AVPR1B: variants seen among roughly 807,000 people sequenced by gnomAD.
AVPR1B encodes vasopressin V1b receptor.
AVPR1B carries 25 observed loss-of-function variants against 27.5 expected under a neutral mutation model. The ratio of observed to expected loss-of-function variants is 0.91; its 90% CI spans 0.66 to 1.27. AVPR1B has a LOEUF of 1.27. AVPR1B is among the 50% of genes most tolerant of loss of function. The probability of loss-of-function intolerance (pLI) is 0.00; values close to 1 mark genes in which losing one functional copy is unlikely to be tolerated. For synonymous variants in AVPR1B, 248 were observed against 240.2 expected (o/e 1.03, Z -0.30); for missense variants, 595 against 556.9 (o/e 1.07, Z -0.69).
chr1:206,116,471 C>T lies in AVPR1B; in HGVS notation c.420G>A (p.Leu140=), dbSNP rs1249358469. 3 of 1,613,796 alleles carry T rather than the reference C, an allele frequency of 1.9e-6. No individual in the cohort carries two copies. The highest frequency in any genetic ancestry group is 1.7e-6 in the Non-Finnish European group (2 of 1,180,018). Residue 140 remains leucine, a synonymous_variant, in exon 1 of 2, where the codon CTG becomes CTA. Coordinates refer to ENST00000367126, the MANE Select transcript of AVPR1B (RefSeq NM_000707.5). The stretch of plus-strand genomic sequence containing the variant: ...ACTGGCCTGGCTGCTGGAGGCTGCG[C>T]AGGGGGTGACAGACAGCCAGGTAGC... ...LDRYLAVCHP[L]RSLQQPGQST...
At position 206,110,339 on chromosome 1, in the gene AVPR1B, G is replaced by A; in HGVS notation, c.1125C>T (p.Arg375=). Residue 375 remains arginine (R), a synonymous_variant, in exon 2 of 2, where the codon CGC becomes CGT. Coordinates refer to ENST00000367126, the MANE Select transcript of AVPR1B (RefSeq NM_000707.5). The part of the protein sequence containing the change: ...RRLSDGSLSS[R]HTTLLTRSSC... ...TGGAGCGGGTCAGCAGCGTGGTGTG[G>A]CGGCTCGAGAGGCTGCCGTCGGAGA... 2 of 1,611,284 alleles carry A rather than the reference G, an allele frequency of 1.2e-6. No individual in the cohort carries two copies. Among genetic ancestry groups the A allele is most frequent in the Non-Finnish European group, 1.7e-6 (2 of 1,179,262 alleles).
In AVPR1B at chr1:206,107,458, G is replaced by A. The variant is rs187819797; in HGVS notation, c.*2731C>T. Among the ~76,000 whole-genome samples the A allele has an allele frequency of 6.6e-6, 1 of 152,056 alleles. No homozygotes were observed. Among genetic ancestry groups the A allele is most frequent in the African/African-American group, 2.4e-5 (1 of 41,392 alleles). On this transcript the variant is annotated 3_prime_UTR_variant, in exon 2 of 2. Transcript: ENST00000367126. ...CTGCAGAACTTTCACTCATAGATCC[G>A]ATGAGATCCACCATTTCCTTCAGGA...
chr1:206,114,578 G>C (rs548009849), intron 1 of AVPR1B, among the ~76,000 whole-genome samples: 106 of 152,290 alleles, frequency 7.0e-4, no homozygotes, highest in Non-Finnish European at 1.3e-3. Flanking sequence ...GGAGGACACT[G>C]TCTACTACAC....
intron 1 of AVPR1B, among the ~76,000 whole-genome samples, chr1:206,114,471 G>A (rs1663431484): frequency 6.6e-6 from 1 of 152,090 alleles, no homozygotes; most frequent in South Asian, 2.1e-4. Flanking sequence ...TCTGAATACT[G>A]CTCTCCAACA....
chr1:206,113,364 C>T (rs1663410911), intron 1 of AVPR1B, among the ~76,000 whole-genome samples: 1 of 152,178 alleles, frequency 6.6e-6, no homozygotes, highest in East Asian at 1.9e-4. Flanking sequence ...AGGGGGCAAA[C>T]AGGCCGGCAT....
chr1:206,110,551 C>T, intron 1 of AVPR1B, 28 bp from the exon 2 acceptor site: 1 of 1,568,544 alleles, frequency 6.4e-7, no homozygotes, highest in Admixed American at 1.8e-5. Flanking sequence ...TGAGAAGCCT[C>T]AGAATGGCAG....
In AVPR1B at chr1:206,108,122, C is replaced by CA. The variant is rs1663308799; in HGVS notation, c.*2066dup. On this transcript the variant is annotated 3_prime_UTR_variant, in exon 2 of 2. Coordinates refer to ENST00000367126, the MANE Select transcript of AVPR1B (RefSeq NM_000707.5). ...CAGAAACTGTGGTCTAAAGATGGGG[C>CA]AAGGGGGTGGGGAGGCCGCTTTTGT... Among the ~76,000 whole-genome samples, 3 of 151,426 alleles carry CA rather than the reference C, an allele frequency of 2.0e-5. No individual in the cohort carries two copies. Among genetic ancestry groups the CA allele is most frequent in the Admixed American group, 6.6e-5 (1 of 15,214 alleles).
chr1:206,115,328 GTTACT>G (rs1553290332), intron 1 of AVPR1B, among the ~76,000 whole-genome samples: 3 of 152,162 alleles, frequency 2.0e-5, no homozygotes, highest in Non-Finnish European at 1.5e-5. Flanking sequence ...CTCCGAGAGT[GTTACT>G]GTGCTTAATA....
At position 206,110,368 on chromosome 1, in the gene AVPR1B, G is replaced by A. The variant is rs370023455; in HGVS notation, c.1096C>T (p.Arg366Trp). Residue 366 changes from arginine (R) to tryptophan (W), a missense_variant, in exon 2 of 2, where the codon CGG (arginine) becomes TGG (tryptophan). Coordinates refer to ENST00000367126, the MANE Select transcript of AVPR1B (RefSeq NM_000707.5). ...CTCGAGAGGCTGCCGTCGGAGAGCC[G>A]CCGGCGCATCCTGGGCTGGGGACCC... Reference protein sequence around the residue: ...CGGPQPRMRRRLSDGSLSSRH... With the variant: ...CGGPQPRMRRWLSDGSLSSRH... 4.9e-5 allele frequency: 79 copies of A among 1,609,744 alleles called. No individual in the cohort carries two copies. Among genetic ancestry groups the A allele is most frequent in the Middle Eastern group, 1.6e-4 (1 of 6,064 alleles).
At position 206,109,975 on chromosome 1, in the gene AVPR1B, C is replaced by T. The variant is rs531878105; in HGVS notation, c.*214G>A. 3.5e-6 allele frequency: 2 copies of T among 579,036 alleles called. No homozygotes were observed. Among genetic ancestry groups the T allele is most frequent in the Non-Finnish European group, 6.1e-6 (2 of 328,290 alleles). 35.9% of individuals were successfully genotyped at this position (579,036 alleles called of 1,614,324 possible). ...CAGGCAGTTTGATTCTCCCTGACTG[C>T]CAGTGTCTGAGATTGGGAGCTTATG... On this transcript the variant is annotated 3_prime_UTR_variant, in exon 2 of 2. Transcript: ENST00000367126.
Position 206,108,042 on chromosome 1 carries a change from T to C in AVPR1B, c.*2147A>G, listed in dbSNP as rs1663307422. On this transcript the variant is annotated 3_prime_UTR_variant, in exon 2 of 2. Transcript: ENST00000367126. ...TTTGGGGCACACAGCTGGTGTTCCT[T>C]CTACCTCCCAGTCATCATGAAGAAC... Among the ~76,000 whole-genome samples the C allele has an allele frequency of 6.6e-6, 1 of 152,116 alleles. No individual in the cohort carries two copies. Among genetic ancestry groups the C allele is most frequent in the South Asian group, 2.1e-4 (1 of 4,820 alleles).
In AVPR1B at chr1:206,115,944, C is replaced by T. The variant is rs782729105; in HGVS notation, c.940+7G>A. 4 of 1,588,348 alleles carry T rather than the reference C, an allele frequency of 2.5e-6. No homozygotes were observed. Among genetic ancestry groups the T allele is most frequent in the Admixed American group, 3.4e-5 (2 of 59,110 alleles). On this transcript the variant is annotated splice_region_variant and intron_variant, in intron 1 of 1. Coordinates refer to ENST00000367126, the MANE Select transcript of AVPR1B (RefSeq NM_000707.5). ...CACCTCACTGCCCCCACATAGACCC[C>T]ACTTGCCTTCATCAGGGGCATTCTT...
At chr1:206,114,992 C>T (rs1332741316) in intron 1 of AVPR1B, among the ~76,000 whole-genome samples, 2 of 152,146 alleles carry the variant, frequency 1.3e-5, no homozygotes, top group Non-Finnish European at 2.9e-5. Flanking sequence ...TAGATTCAGA[C>T]CAATCCAGTA....
At chr1:206,115,728 T>G (rs1357541281) in intron 1 of AVPR1B, among the ~76,000 whole-genome samples, 1 of 152,202 alleles carries the variant, frequency 6.6e-6, no homozygotes, top group Non-Finnish European at 1.5e-5. Flanking sequence ...GTTACCAAAA[T>G]TTTTAAAGCT....
Position 206,110,254 on chromosome 1 carries a change from C to T in AVPR1B, c.1210G>A (p.Glu404Lys). 6.2e-7 allele frequency: 1 copy of T among 1,614,096 alleles called. No individual in the cohort carries two copies. The highest frequency in any genetic ancestry group is 8.5e-7 in the Non-Finnish European group (1 of 1,180,016). Reference protein sequence around the residue: ...SLTLSGRPRPEESPRDLELAD... With the variant: ...SLTLSGRPRPKESPRDLELAD... ...AGCTCCAAGTCCCTTGGTGACTCTT[C>T]AGGCCTGGGCCTCCCACTGAGGGTT... Residue 404 changes from glutamate (E) to lysine (K), a missense_variant, in exon 2 of 2, where the codon GAA becomes AAA. Coordinates refer to ENST00000367126, the MANE Select transcript of AVPR1B (RefSeq NM_000707.5).
chr1:206,110,800 G>C (rs568446791), intron 1 of AVPR1B, among the ~76,000 whole-genome samples: 1 of 152,314 alleles, frequency 6.6e-6, no homozygotes, highest in East Asian at 1.9e-4. Flanking sequence ...GTTTAATTGA[G>C]AAGAAGGAAT....
Position 206,108,291 on chromosome 1 carries a change from G to C in AVPR1B, c.*1898C>G, listed in dbSNP as rs1663311505. On this transcript the variant is annotated 3_prime_UTR_variant, in exon 2 of 2. Coordinates refer to ENST00000367126, the MANE Select transcript of AVPR1B (RefSeq NM_000707.5). ...AGAACTCAGTGAGAGGGAGACTGTG[G>C]GTCCTCCCATCTGCCTGAGCCTTGG... Among the ~76,000 whole-genome samples the C allele has an allele frequency of 6.6e-6, 1 of 152,196 alleles. No homozygotes were observed. Among genetic ancestry groups the C allele is most frequent in the Non-Finnish European group, 1.5e-5 (1 of 68,038 alleles).
chr1:206,110,485 C>G lies in AVPR1B; in HGVS notation c.979G>C (p.Gly327Arg), dbSNP rs1663356887. ...GGGTTGCAGCAGCTGTTGAGGTTGC[C>G]CAAAAGCATAGAGATGGTGAAAGCC... ...NVAFTISMLL[G>R]NLNSCCNPWI... Residue 327 changes from glycine (G) to arginine (R), a missense_variant, in exon 2 of 2, where the codon GGC becomes CGC. Physicochemically the swap from Gly to Arg is moderately radical, Grantham distance 125. Coordinates refer to ENST00000367126, the MANE Select transcript of AVPR1B (RefSeq NM_000707.5). The G allele has an allele frequency of 6.2e-7, 1 of 1,613,336 alleles. No individual in the cohort carries two copies. The highest frequency in any genetic ancestry group is 1.3e-5 in the African/African-American group (1 of 74,900).
chr1:206,114,111 A>G (rs1663423227), intron 1 of AVPR1B, among the ~76,000 whole-genome samples: 1 of 152,240 alleles, frequency 6.6e-6, no homozygotes, highest in Admixed American at 6.5e-5. Flanking sequence ...TATTAAATTC[A>G]TGAATGGCTC....
Sources: gnomAD v4.1 joint callset for allele counts (sites outside exome capture counted in the v4.1 genomes callset) on GRCh38, gnomAD v4.1.1 for gene constraint, MANE v1.5 for transcripts, NCBI Gene and HGNC (gene_info 2026-07-23, HGNC 2026-07-21) for gene names.